Variants in VAPB observed in about 807,000 individuals in gnomAD.
The protein encoded by VAPB is vesicle-associated membrane protein-associated protein B/C.
Under a neutral mutation model 25.6 loss-of-function variants are expected in VAPB, and 7 were observed. That is an observed-to-expected ratio of 0.27 (90% CI 0.16 to 0.51). VAPB has a LOEUF of 0.51. VAPB is among the 20% of genes least tolerant of loss of function. VAPB has a pLI of 0.97. For synonymous variants in VAPB, 112 were observed against 109.2 expected (o/e 1.03, Z -0.16); for missense variants, 266 against 301.3 (o/e 0.88, Z 0.87).
At chr20:58,412,576 C>CAAAAAAAAAAAAAAAAA (rs375713162) in intron 1 of VAPB, among the ~76,000 whole-genome samples, 37 of 90,712 alleles carry the variant, frequency 4.1e-4, no homozygotes, top group East Asian at 1.4e-3. Context: ...GACTCTGTCT[C>CAAAAAAAAAAAAAAAAA]AAAAAAAAAA....
chr20:58,433,040 T>G (rs1988961243), intron 2 of VAPB, among the ~76,000 whole-genome samples: 1 of 152,208 alleles, frequency 6.6e-6, no homozygotes, highest in Non-Finnish European at 1.5e-5. Flanking sequence ...AATGCATGGT[T>G]AGGTCTCAGT....
At chr20:58,389,563 A>C (rs769934594) in intron 1 of VAPB, 46 bp downstream of exon 1, 4 of 1,525,596 alleles carry the variant, frequency 2.6e-6, no homozygotes, top group Admixed American at 2.0e-5. Flanking sequence ...CCTCCGCCCC[A>C]GTGCTGGAAG....
chr20:58,421,742 G>C (rs979349317), intron 2 of VAPB, among the ~76,000 whole-genome samples: 37 of 152,146 alleles, frequency 2.4e-4, no homozygotes, highest in African/African-American at 8.4e-4. Flanking sequence ...GGGAAGAGAG[G>C]GAGGGTTGAT....
At chr20:58,418,920 C>T (rs1988609428) in intron 2 of VAPB, among the ~76,000 whole-genome samples, 1 of 152,188 alleles carries the variant, frequency 6.6e-6, no homozygotes, top group South Asian at 2.1e-4. Context: ...TGATGGTTTT[C>T]TCTTCTGTCT....
At position 58,445,345 on chromosome 20, in the gene VAPB, T is replaced by G. The variant is rs767106387; in HGVS notation, c.*1110T>G. ...GGACCTAGCCTGGAGTCAGGACAAATGGATCGGGCTGCAGAGGGTTAGAAG... is the reference window on the plus strand; with the variant it reads ...GGACCTAGCCTGGAGTCAGGACAAAGGGATCGGGCTGCAGAGGGTTAGAAG... On this transcript the variant is annotated 3_prime_UTR_variant, in exon 6 of 6. Transcript: ENST00000475243. 5.9e-5 allele frequency: 27 copies of G among 454,512 alleles called. No homozygotes were observed. Among genetic ancestry groups the G allele is most frequent in the South Asian group, 4.2e-4 (27 of 64,458 alleles). 28.2% of individuals were successfully genotyped at this position (454,512 alleles called of 1,614,324 possible).
At chr20:58,406,241 G>C (rs527819568) in intron 1 of VAPB, among the ~76,000 whole-genome samples, 1 of 152,216 alleles carries the variant, frequency 6.6e-6, no homozygotes, top group Non-Finnish European at 1.5e-5. Flanking sequence ...ACATAGAACA[G>C]TAAGGAGTAA....
In VAPB at chr20:58,444,594, G is replaced by A. The variant is rs562368880; in HGVS notation, c.*359G>A. ...CTCTCTTAAAATGACACCCTTCCTC[G>A]CCTGTTGGTGCTGGCCCTTGGGGAG... On this transcript the variant is annotated 3_prime_UTR_variant, in exon 6 of 6. Coordinates refer to ENST00000475243, the MANE Select transcript of VAPB (RefSeq NM_004738.5). 3.5e-5 allele frequency: 16 copies of A among 457,744 alleles called. No individual in the cohort carries two copies. The highest frequency in any genetic ancestry group is 1.2e-4 in the African/African-American group (6 of 50,194). The allele number at this position is 457,744 out of a possible 1,614,324, so 28.4% of individuals were successfully genotyped here. A position where few individuals can be genotyped will look rare whatever the true frequency, so the allele number is the denominator to read the frequency against.
At chr20:58,413,475 C>T (rs191289154) in intron 1 of VAPB, among the ~76,000 whole-genome samples, 1 of 152,146 alleles carries the variant, frequency 6.6e-6, no homozygotes, top group African/African-American at 2.4e-5. Context: ...GTAAGGTCAC[C>T]GATCAACAGG....
intron 1 of VAPB, among the ~76,000 whole-genome samples, chr20:58,416,327 T>G (rs1344010243): frequency 6.6e-6 from 1 of 151,974 alleles, no homozygotes; most frequent in Non-Finnish European, 1.5e-5. Flanking sequence ...ACATTTAAAT[T>G]TGGCTTATTT....
At chr20:58,418,403 A>G in intron 2 of VAPB, 40 bp downstream of exon 2, 1 of 1,611,462 alleles carries the variant, frequency 6.2e-7, no homozygotes, top group Non-Finnish European at 8.5e-7. Context: ...TGGGCTCAGA[A>G]GGCCCCTGGA....
chr20:58,417,116 AAC>A (rs1019060413), intron 1 of VAPB, among the ~76,000 whole-genome samples: 1 of 152,222 alleles, frequency 6.6e-6, no homozygotes, highest in Non-Finnish European at 1.5e-5. Flanking sequence ...GCCTAGAGGA[AAC>A]ACAGAAATAC....
intron 1 of VAPB, among the ~76,000 whole-genome samples, chr20:58,405,768 T>TTTTTTTA (rs1988213786): frequency 7.5e-6 from 1 of 133,352 alleles, no homozygotes. Flanking sequence ...TTTTTTTTTT[T>TTTTTTTA]GAGACGGAGA....
rs1989401871 is a variant in VAPB, at chr20:58,450,011, G to A, written c.*5776G>A. The stretch of plus-strand genomic sequence containing the variant: ...TAACACAATTTCATCCAGGCTTAGT[G>A]CTAACAAGATTGCGGGGCTTTTTAG... On this transcript the variant is annotated 3_prime_UTR_variant, in exon 6 of 6. Transcript: ENST00000475243. 2.2e-6 allele frequency: 1 copy of A among 453,952 alleles called. No homozygotes were observed. The highest frequency in any genetic ancestry group is 4.4e-6 in the Non-Finnish European group (1 of 226,794). The allele number at this position is 453,952 out of a possible 1,614,324, so 28.1% of individuals were successfully genotyped here.
Position 58,446,138 on chromosome 20 carries a change from C to T in VAPB, c.*1903C>T, listed in dbSNP as rs201951930. 1.3e-5 allele frequency: 6 copies of T among 453,934 alleles called. No homozygotes were observed. In the East Asian group the frequency reaches 4.2e-4, roughly 32 times the overall value. 28.1% of individuals were successfully genotyped at this position (453,934 alleles called of 1,614,324 possible). On this transcript the variant is annotated 3_prime_UTR_variant, in exon 6 of 6. Coordinates refer to ENST00000475243, the MANE Select transcript of VAPB (RefSeq NM_004738.5). ...AACAGACTTAGTTGTTACCCAGGCA[C>T]CCATGGATTGTGTTGAGTGTGCAGA...
At chr20:58,393,643 C>G (rs910190469) in intron 1 of VAPB, among the ~76,000 whole-genome samples, 1 of 152,192 alleles carries the variant, frequency 6.6e-6, no homozygotes, top group Non-Finnish European at 1.5e-5. Context: ...TACATCCTAG[C>G]CCATTCCCCC....
intron 2 of VAPB, among the ~76,000 whole-genome samples, chr20:58,422,531 T>C (rs1440601078): frequency 6.6e-6 from 1 of 152,184 alleles, no homozygotes; most frequent in African/African-American, 2.4e-5. Flanking sequence ...TTTTCTGAAC[T>C]GTACGGTGGG....
At chr20:58,394,803 C>T (rs183465032) in intron 1 of VAPB, among the ~76,000 whole-genome samples, 8 of 152,282 alleles carry the variant, frequency 5.3e-5, no homozygotes, top group Admixed American at 2.6e-4. Context: ...GTTTCCTTAA[C>T]GTGAGTGGTT....
At chr20:58,390,770 A>G (rs1987776554) in intron 1 of VAPB, among the ~76,000 whole-genome samples, 1 of 152,184 alleles carries the variant, frequency 6.6e-6, no homozygotes, top group African/African-American at 2.4e-5. Flanking sequence ...AGTGTAGGGT[A>G]ACTTACCCAA....
Position 58,446,260 on chromosome 20 carries a change from T to C in VAPB, c.*2025T>C. ...AGTGAAAAGACCGAGCTGTAAGGCA[T>C]GTGCCTTCTGCCACCTGACTTTCCG... On this transcript the variant is annotated 3_prime_UTR_variant, in exon 6 of 6. Coordinates refer to ENST00000475243, the MANE Select transcript of VAPB (RefSeq NM_004738.5). 2.2e-6 allele frequency: 1 copy of C among 454,116 alleles called. No homozygotes were observed. The highest frequency in any genetic ancestry group is 4.4e-6 in the Non-Finnish European group (1 of 226,792). 28.1% of individuals were successfully genotyped at this position (454,116 alleles called of 1,614,324 possible).
Sources: allele counts gnomAD v4.1 joint callset (sites outside exome capture counted in the v4.1 genomes callset), GRCh38; gene constraint gnomAD v4.1.1; transcripts MANE v1.5; gene names NCBI Gene and HGNC (gene_info 2026-07-23, HGNC 2026-07-21).